CACNA2D1: variants seen among roughly 807,000 people sequenced by gnomAD.
CACNA2D1 encodes calcium voltage-gated channel auxiliary subunit alpha2delta 1.
CACNA2D1 carries 53 observed loss-of-function variants against 171.5 expected under a neutral mutation model. The observed-to-expected ratio is 0.31, with a 90% CI of 0.25 to 0.39. CACNA2D1 has a LOEUF of 0.39. CACNA2D1 is among the 10% of genes least tolerant of loss of function. The pLI, the probability that CACNA2D1 is intolerant of heterozygous loss-of-function variation, is 1.00. For synonymous variants in CACNA2D1, 442 were observed against 443.1 expected, an observed-to-expected ratio of 1.00 and a Z score of 0.03; for missense variants, 903 against 1,299.8, an observed-to-expected ratio of 0.69 and a Z score of 4.69.
At chr7:81,957,523 C>T (rs764065469) in intron 38 of CACNA2D1, among the ~76,000 whole-genome samples, 6 of 151,982 alleles carry the variant, frequency 3.9e-5, no homozygotes, top group African/African-American at 7.3e-5. Flanking sequence ...GGTACAGGCA[C>T]GACTCGTTGT....
intron 3 of CACNA2D1, among the ~76,000 whole-genome samples, chr7:82,312,610 G>A (rs761950752): frequency 1.1e-4 from 16 of 150,420 alleles, no homozygotes; most frequent in Non-Finnish European, 2.1e-4. Flanking sequence ...TCTGCCTCCC[G>A]GGTTCAAGCA....
intron 5 of CACNA2D1, among the ~76,000 whole-genome samples, chr7:82,122,502 C>A (rs1247987131): frequency 2.6e-5 from 4 of 152,068 alleles, no homozygotes; most frequent in African/African-American, 9.7e-5. Flanking sequence ...GAGCCATTAG[C>A]AATACAATAC....
intron 1 of CACNA2D1, among the ~76,000 whole-genome samples, chr7:82,434,505 C>T (rs1020440310): frequency 1.3e-5 from 2 of 151,912 alleles, no homozygotes; most frequent in African/African-American, 4.8e-5. Flanking sequence ...GTTATTTTTT[C>T]TGATCCTCTC....
intron 3 of CACNA2D1, among the ~76,000 whole-genome samples, chr7:82,183,036 TAA>T (rs34429630): frequency 0.035 from 4,762 of 134,416 alleles, 258 homozygotes; most frequent in African/African-American, 0.12. Context: ...GACTCCATCT[TAA>T]AAAAAAAAAA....
At chr7:82,291,599 A>T (rs1368605096) in intron 3 of CACNA2D1, among the ~76,000 whole-genome samples, 1 of 143,326 alleles carries the variant, frequency 7.0e-6, no homozygotes, top group Non-Finnish European at 1.5e-5. Context: ...TATAATATAT[A>T]AAAAATATAT....
chr7:81,995,113 A>C (rs960701013), intron 19 of CACNA2D1, among the ~76,000 whole-genome samples, 174 bp from the exon 20 acceptor site: 11 of 152,138 alleles, frequency 7.2e-5, no homozygotes, highest in Non-Finnish European at 2.9e-5. Flanking sequence ...TTTTTAAGTT[A>C]CCATATTATA....
intron 6 of CACNA2D1, among the ~76,000 whole-genome samples, chr7:82,087,515 C>T (rs1222198185): frequency 2.0e-5 from 3 of 149,044 alleles, no homozygotes; most frequent in Non-Finnish European, 3.0e-5. Flanking sequence ...TAGGATAAAA[C>T]TGCTTCACTA....
intron 3 of CACNA2D1, among the ~76,000 whole-genome samples, chr7:82,183,076 A>T (rs1797319579): frequency 1.3e-5 from 2 of 152,052 alleles, no homozygotes; most frequent in African/African-American, 4.8e-5. Flanking sequence ...AAGGGTAGAT[A>T]AAATCAACAA....
chr7:82,113,935 T>TA (rs1357268938), intron 6 of CACNA2D1, among the ~76,000 whole-genome samples: 1 of 152,186 alleles, frequency 6.6e-6, no homozygotes, highest in Non-Finnish European at 1.5e-5. Context: ...TGAATGGGAC[T>TA]AAATAAATAA....
chr7:82,242,289 T>C lies in CACNA2D1; in HGVS notation c.295-71680A>G, dbSNP rs149853183. On this transcript the variant is annotated intron_variant, in intron 3 of 38. Transcript: ENST00000356860. Reference sequence around the variant, plus strand: ...TACTAAAATAATTTTTAATACAATATATTTTAATCAATTCTCTAGCCTATC... The same window carrying C: ...TACTAAAATAATTTTTAATACAATACATTTTAATCAATTCTCTAGCCTATC... 1.4e-3 allele frequency among the ~76,000 whole-genome samples: 215 copies of C among 152,218 alleles called. 2 individuals carry two copies. In the East Asian group the frequency reaches 0.036, roughly 25 times the overall value.
chr7:82,339,533 G>A (rs1818368163), intron 2 of CACNA2D1, among the ~76,000 whole-genome samples: 1 of 152,072 alleles, frequency 6.6e-6, no homozygotes, highest in African/African-American at 2.4e-5. Context: ...CTAACCAATT[G>A]TATCAGGACT....
intron 38 of CACNA2D1, among the ~76,000 whole-genome samples, chr7:81,951,340 C>G (rs1279594240): frequency 6.6e-6 from 1 of 151,748 alleles, no homozygotes; most frequent in Non-Finnish European, 1.5e-5. Flanking sequence ...TTTTAAAAAC[C>G]TCCTTATTAT....
intron 1 of CACNA2D1, among the ~76,000 whole-genome samples, chr7:82,398,265 T>C (rs1056706159): frequency 1.3e-5 from 2 of 152,216 alleles, no homozygotes; most frequent in Non-Finnish European, 2.9e-5. Flanking sequence ...TCATGATTTT[T>C]ATTGCAGCAA....
chr7:82,364,925 G>A (rs1821509725), intron 1 of CACNA2D1, among the ~76,000 whole-genome samples: 1 of 152,144 alleles, frequency 6.6e-6, no homozygotes, highest in South Asian at 2.1e-4. Context: ...GAGACATTCA[G>A]GGAGGGCATA....
chr7:82,286,255 T>C (rs1248617016), intron 3 of CACNA2D1, among the ~76,000 whole-genome samples: 1 of 152,124 alleles, frequency 6.6e-6, no homozygotes, highest in Admixed American at 6.6e-5. Flanking sequence ...AAACACCCTT[T>C]CTCTGGGAAG....
chr7:82,442,716 C>T (rs118150900), intron 1 of CACNA2D1, among the ~76,000 whole-genome samples: 10,714 of 152,216 alleles, frequency 0.07, 508 homozygotes, highest in Middle Eastern at 0.12. Context: ...CGCGTGTCTG[C>T]CGACACTTAG....
intron 6 of CACNA2D1, among the ~76,000 whole-genome samples, chr7:82,116,163 C>G (rs1789014366): frequency 6.6e-6 from 1 of 152,136 alleles, no homozygotes; most frequent in South Asian, 2.1e-4. Context: ...TGTGAGAAGG[C>G]AGGGAACGAG....
rs775016690 is a variant in CACNA2D1, at chr7:81,950,459, C to A, written c.3209G>T (p.Trp1070Leu). 6.2e-7 allele frequency: 1 copy of A among 1,612,850 alleles called. No homozygotes were observed. Residue 1070 changes from tryptophan to leucine, a missense_variant, in exon 39 of 39, where the codon TGG (tryptophan) becomes TTG (leucine). By Grantham distance (61) the Trp-to-Leu change is moderately conservative (BLOSUM62 -2). Around this residue, in one of 5 missense-constraint regions of CACNA2D1, gnomAD observed 38 missense variants for 29.2 expected, o/e 1.30. Transcript: ENST00000356860. ...GGVSGLNPSL[W>L]YIIGIQFLLL... Reference sequence around the variant, plus strand: ...TAGAAACTGGATTCCAATGATATACCACAGGGAGGGATTTAATCCAGAAAC... The same window carrying A: ...TAGAAACTGGATTCCAATGATATACAACAGGGAGGGATTTAATCCAGAAAC...
intron 1 of CACNA2D1, among the ~76,000 whole-genome samples, chr7:82,350,152 G>C (rs1429173346): frequency 6.6e-6 from 1 of 152,176 alleles, no homozygotes; most frequent in South Asian, 2.1e-4. Context: ...TATATAAAAT[G>C]CATATCTCTT....
Sources: gnomAD v4.1 joint callset for allele counts (sites outside exome capture counted in the v4.1 genomes callset) on GRCh38, gnomAD v4.1.1 for gene constraint, gnomAD v4.1.1 regional missense constraint, MANE v1.5 for transcripts, NCBI Gene and HGNC (gene_info 2026-07-23, HGNC 2026-07-21) for gene names.